Variants in AHNAK2 observed in about 807,000 individuals in gnomAD.
AHNAK2 encodes the protein protein AHNAK2.
A neutral mutation model predicts 30.7 loss-of-function variants in AHNAK2; 18 were observed. The ratio of observed to expected loss-of-function variants is 0.59; its 90% CI spans 0.41 to 0.87. AHNAK2 has a LOEUF of 0.87. Among genes scored for constraint, AHNAK2 ranks in the 40% least tolerant of loss-of-function variants. AHNAK2 has a pLI of 0.00. For missense variants in AHNAK2, 8,604 were observed against 7,373.0 expected, an observed-to-expected ratio of 1.17 and a Z score of -6.11; for synonymous variants, 3,590 against 3,073.8, an observed-to-expected ratio of 1.17 and a Z score of -5.56.
chr14:104,938,167 C>T lies in AHNAK2; in HGVS notation c.17284G>A (p.Val5762Met). The change falls in exon 7 of 7, where the codon GTG becomes ATG. Residue 5762 changes from valine (V) to methionine (M), a missense_variant. Coordinates refer to ENST00000333244, the MANE Select transcript of AHNAK2 (RefSeq NM_138420.4). ...GPVGTGLDSR[V>M]MVTSAARTEL... ...GTTCTTGCCGCGGATGTCACCATCA[C>T]TCTGGAGTCCAGCCCAGTGCCCACA... 1.2e-6 allele frequency: 2 copies of T among 1,614,016 alleles called. No homozygotes were observed. Among genetic ancestry groups the T allele is most frequent in the Non-Finnish European group, 1.7e-6 (2 of 1,179,908 alleles).
Position 104,969,817 on chromosome 14 carries a change from C to G in AHNAK2, c.55+8366G>C, listed in dbSNP as rs188815065. ...TCCCATCCATCCCAGGCGGGCTAGCCTGAGCCAGTTTCCCTGGGCTGAAAG... is the reference window on the plus strand; with the variant it reads ...TCCCATCCATCCCAGGCGGGCTAGCGTGAGCCAGTTTCCCTGGGCTGAAAG... On this transcript the variant is annotated intron_variant, in intron 1 of 6. Transcript: ENST00000333244. Among the ~76,000 whole-genome samples, 465 of 152,286 alleles carry G rather than the reference C, an allele frequency of 3.1e-3. 3 individuals are homozygous for G. Among genetic ancestry groups the G allele is most frequent in the African/African-American group, 0.011 (448 of 41,546 alleles).
chr14:104,949,022 GT>G lies in AHNAK2; in HGVS notation c.6428del (p.Asn2143ThrfsTer4), dbSNP rs1639049099. On this transcript the variant is annotated frameshift_variant, in exon 7 of 7. Transcript: ENST00000333244. LOFTEE classifies it low-confidence loss of function (END_TRUNC). ...AHLQGDLTLA[N>X]KDLTTKDSKF... Reference sequence around the variant, plus strand: ...TGCTGTCTTTGGTAGTCAGGTCCTTGTTGGCCAGGGTCAGGTCCCCCTGCAG... The same window carrying G: ...TGCTGTCTTTGGTAGTCAGGTCCTTGTGGCCAGGGTCAGGTCCCCCTGCAG... 9.1e-7 allele frequency: 1 copy of G among 1,095,872 alleles called. No individual in the cohort carries two copies. The highest frequency in any genetic ancestry group is 1.4e-5 in the African/African-American group (1 of 70,460). The allele number at this position is 1,095,872 out of a possible 1,614,324, so 67.9% of individuals were successfully genotyped here.
chr14:104,955,890 A>G (rs542820603), intron 4 of AHNAK2, among the ~76,000 whole-genome samples: 3 of 152,358 alleles, frequency 2.0e-5, no homozygotes, highest in East Asian at 3.9e-4. Flanking sequence ...TGTCCATGCC[A>G]CCAGGCCCAG....
At position 104,948,622 on chromosome 14, in the gene AHNAK2, C is replaced by T. The variant is rs376106227; in HGVS notation, c.6829G>A (p.Val2277Met). 9 of 1,612,530 alleles carry T rather than the reference C, an allele frequency of 5.6e-6. No homozygotes were observed. Among genetic ancestry groups the T allele is most frequent in the East Asian group, 2.2e-5 (1 of 44,802 alleles). ...DPKVEVTAPD[V>M]EVSLPSVEVD... Reference sequence around the variant, plus strand: ...TCCACGCTGGGCAGAGACACCTCCACATCAGGGGCTGTCACTTCCACCTTG... The same window carrying T: ...TCCACGCTGGGCAGAGACACCTCCATATCAGGGGCTGTCACTTCCACCTTG... Residue 2277 changes from valine to methionine, a missense_variant, in exon 7 of 7, where the codon GTG becomes ATG. Transcript: ENST00000333244.
chr14:104,940,927 C>T lies in AHNAK2; in HGVS notation c.14524G>A (p.Ala4842Thr). 6.2e-7 allele frequency: 1 copy of T among 1,612,630 alleles called. No homozygotes were observed. The highest frequency in any genetic ancestry group is 8.5e-7 in the Non-Finnish European group (1 of 1,179,610). Residue 4842 changes from alanine to threonine, a missense_variant, in exon 7 of 7, where the codon GCT becomes ACT. Transcript: ENST00000333244. The surrounding 1 kb of genome is among the most constrained non-coding windows in gnomAD (Gnocchi z 4.4). ...TTCAGTGGGCCAGAGTGACTCTCAG[C>T]TTGAGATGTTGGAACTCCCTCTGGA... ...QPPEGVPTSQAESHSGPLNSM... is the reference protein window; with the variant it reads ...QPPEGVPTSQTESHSGPLNSM...
rs372841773 is a variant in AHNAK2, at chr14:104,942,198, G to A, written c.13253C>T (p.Thr4418Met). ...LDLKGPKVEV[T>M]SPNLDVSLPS... ...CAGAGACACGTCCAGGTTGGGGGAC[G>A]TCACCTCCACCTTGGGGCCTTTCAG... is the stretch of plus-strand genomic sequence containing the variant. Residue 4418 changes from threonine (T) to methionine (M), a missense_variant, in exon 7 of 7, where the codon ACG becomes ATG. By Grantham distance (81) the Thr-to-Met change is moderately conservative. Coordinates refer to ENST00000333244, the MANE Select transcript of AHNAK2 (RefSeq NM_138420.4). 95 of 1,610,102 alleles carry A rather than the reference G, an allele frequency of 5.9e-5. No homozygotes were observed. In the African/African-American group the frequency reaches 6.3e-4, roughly 11 times the overall value.
chr14:104,948,284 GC>G lies in AHNAK2; in HGVS notation c.7166del (p.Gly2389AlafsTer26), dbSNP rs1452339980. ...TGAGGCCGGCTCCCTCCGGCACGGGGCCCTCTGGGAGTTTCACATCCACTTG... is the reference window on the plus strand; with the variant it reads ...TGAGGCCGGCTCCCTCCGGCACGGGGCCTCTGGGAGTTTCACATCCACTTG... ...AGQVDVKLPEGPVPEGAGLKG... is the reference protein window; with the variant it reads ...AGQVDVKLPEXPVPEGAGLKG... On this transcript the variant is annotated frameshift_variant, in exon 7 of 7. Coordinates refer to ENST00000333244, the MANE Select transcript of AHNAK2 (RefSeq NM_138420.4). LOFTEE classifies it low-confidence loss of function (END_TRUNC). 1 of 1,612,454 alleles carries G rather than the reference GC, an allele frequency of 6.2e-7. No homozygotes were observed. Among genetic ancestry groups the G allele is most frequent in the Non-Finnish European group, 8.5e-7 (1 of 1,179,592 alleles).
At chr14:104,964,821 C>T (rs902493146) in intron 1 of AHNAK2, among the ~76,000 whole-genome samples, 14 of 152,144 alleles carry the variant, frequency 9.2e-5, no homozygotes, top group Non-Finnish European at 1.6e-4. Context: ...CTTGGGTGTG[C>T]CATGGTTTGT....
rs200302560 is a variant in AHNAK2, at chr14:104,950,942, G to A, written c.4509C>T (p.Phe1503=). The change falls in exon 7 of 7, where the codon TTC becomes TTT. Residue 1503 remains phenylalanine (F), a synonymous_variant. Coordinates refer to ENST00000333244, the MANE Select transcript of AHNAK2 (RefSeq NM_138420.4). ...TGGACTTGCCTGGGGCAGACACCCCGAACGACGGCATCTTGAACTTGGGCA... is the reference window on the plus strand; with the variant it reads ...TGGACTTGCCTGGGGCAGACACCCCAAACGACGGCATCTTGAACTTGGGCA... The part of the protein sequence containing the change: ...FKMPKFKMPS[F]GVSAPGKSIE... 2.9e-3 allele frequency: 4,425 copies of A among 1,525,964 alleles called. 426 individuals carry two copies. The African/African-American group carries it at 0.041, about 14-fold the overall frequency. The allele number at this position is 1,525,964 out of a possible 1,614,324, so 94.5% of individuals were successfully genotyped here. A position where few individuals can be genotyped will look rare whatever the true frequency, so the allele number is the denominator to read the frequency against.
Position 104,949,577 on chromosome 14 carries a change from G to T in AHNAK2, c.5874C>A (p.Val1958=), listed in dbSNP as rs762429398. The change falls in exon 7 of 7, where the codon GTC becomes GTA. Residue 1958 remains valine (V), a synonymous_variant. Coordinates refer to ENST00000333244, the MANE Select transcript of AHNAK2 (RefSeq NM_138420.4). ...CATCCAGCTTAGCCTTCTGGGCCTG[G>T]ACATCCACCTCCATGCTGGGCAGAG... ...EVSLPSMEVD[V]QAQKAKLDGA... is the part of the protein sequence containing the mutation. 4 of 1,588,646 alleles carry T rather than the reference G, an allele frequency of 2.5e-6. No homozygotes were observed. The South Asian group carries it at 4.4e-5, about 18-fold the overall frequency.
Position 104,946,030 on chromosome 14 carries a change from T to G in AHNAK2, c.9421A>C (p.Ser3141Arg). 6.3e-7 allele frequency: 1 copy of G among 1,593,708 alleles called. No homozygotes were observed. The highest frequency in any genetic ancestry group is 1.4e-5 in the African/African-American group (1 of 72,632). ...TTGAACTTGGGCATTTTGAACTTGC[T>G]GTCTTTGGCAGTCACATCCTTGTCG... is the stretch of plus-strand genomic sequence containing the variant. ...LADKDVTAKD[S>R]KFKMPKFKMP... Residue 3141 changes from serine (S) to arginine (R), a missense_variant, in exon 7 of 7, where the codon AGC (serine) becomes CGC (arginine). Ser to Arg is a moderately radical substitution (Grantham distance 110). Transcript: ENST00000333244.
chr14:104,941,292 C>G lies in AHNAK2; in HGVS notation c.14159G>C (p.Ser4720Thr). 6.2e-7 allele frequency: 1 copy of G among 1,613,526 alleles called. No homozygotes were observed. The highest frequency in any genetic ancestry group is 8.5e-7 in the Non-Finnish European group (1 of 1,179,816). Residue 4720 changes from serine (S) to threonine (T), a missense_variant, in exon 7 of 7, where the codon AGT (serine) becomes ACT (threonine). Physicochemically the swap from Ser to Thr is moderately conservative, Grantham distance 58. Transcript: ENST00000333244. ...SFSSTKTPKD[S>T]LVPGAKSSIG... ...GCTAGACTTTGCACCTGGGACTAAA[C>G]TATCTTTAGGAGTTTTGGTAGAAGA...
At position 104,948,199 on chromosome 14, in the gene AHNAK2, C is replaced by T. The variant is rs372045967; in HGVS notation, c.7252G>A (p.Gly2418Ser). Residue 2418 changes from glycine (G) to serine (S), a missense_variant, in exon 7 of 7, where the codon GGC (glycine) becomes AGC (serine). Physicochemically the swap from Gly to Ser is moderately conservative, Grantham distance 56 (BLOSUM62 0). Transcript: ENST00000333244. ...GGGCCCTTGACATCTATCTGGGGGC[C>T]CTTGAGATCTACTTTGGGCATCTTG... The part of the protein sequence containing the change: ...SFKMPKVDLK[G>S]PQIDVKGPKL... The T allele has an allele frequency of 6.2e-7, 1 of 1,612,582 alleles. No homozygotes were observed. Among genetic ancestry groups the T allele is most frequent in the South Asian group, 1.1e-5 (1 of 91,032 alleles).
rs373808765 is a variant in AHNAK2 at position 104,944,903 on chromosome 14, G to C, written c.10548C>G (p.Leu3516=). Residue 3516 remains leucine, a synonymous_variant, in exon 7 of 7, where the codon CTC becomes CTG. Coordinates refer to ENST00000333244, the MANE Select transcript of AHNAK2 (RefSeq NM_138420.4). ...GCTGAATGCTGAGGTCAGTGGCCTT[G>C]AGGTCCCCCTGCATGGAGGAGAGGC... ...DVSLSSMQGD[L]KATDLSIQPP... is the part of the protein sequence containing the mutation. 464 of 1,611,062 alleles carry C rather than the reference G, an allele frequency of 2.9e-4. 2 individuals carry two copies. Among genetic ancestry groups the C allele is most frequent in the Admixed American group, 1.7e-3 (103 of 59,762 alleles).
At position 104,951,157 on chromosome 14, in the gene AHNAK2, CT is replaced by C; in HGVS notation, c.4293del (p.Ile1431MetfsTer10). ...VPKVDLKGPE[I>X]DIKGPKLDLK... The stretch of plus-strand genomic sequence containing the variant: ...AGGTCCAGCTTGGGGCCCTTGATGT[CT>C]ATTTCAGGGCCCTTGAGGTCCACTT... On this transcript the variant is annotated frameshift_variant, in exon 7 of 7. Coordinates refer to ENST00000333244, the MANE Select transcript of AHNAK2 (RefSeq NM_138420.4). LOFTEE classifies it low-confidence loss of function (END_TRUNC). The C allele has an allele frequency of 9.3e-7, 1 of 1,069,972 alleles. No individual in the cohort carries two copies. The highest frequency in any genetic ancestry group is 1.4e-6 in the Non-Finnish European group (1 of 738,864). The allele number at this position is 1,069,972 out of a possible 1,614,324, so 66.3% of individuals were successfully genotyped here.
In AHNAK2 at chr14:104,954,162, T is replaced by C; in HGVS notation, c.1289A>G (p.Glu430Gly). 6 of 1,610,398 alleles carry C rather than the reference T, an allele frequency of 3.7e-6. No homozygotes were observed. Among genetic ancestry groups the C allele is most frequent in the Non-Finnish European group, 5.1e-6 (6 of 1,179,814 alleles). The stretch of plus-strand genomic sequence containing the variant: ...GGGCTTCCTCTGGGCCACTGCTGTC[T>C]CCTGTGCCTGCCCCTCCAGGGTCTT... Reference protein sequence around the residue: ...HGKTLEGQAQETAVAQRKPRA... With the variant: ...HGKTLEGQAQGTAVAQRKPRA... The change falls in exon 7 of 7, where the codon GAG (glutamate) becomes GGG (glycine). Residue 430 changes from glutamate to glycine, a missense_variant. Physicochemically the swap from Glu to Gly is moderately conservative, Grantham distance 98 (BLOSUM62 -2). Transcript: ENST00000333244. This position sits in a 1 kb window ranked among gnomAD's most constrained non-coding sequence, Gnocchi z 4.3.
In AHNAK2 at chr14:104,953,499, A is replaced by T; in HGVS notation, c.1952T>A (p.Ile651Lys). ...SMTNTTKIQLIHDEKRLKKEQ... is the reference protein window; with the variant it reads ...SMTNTTKIQLKHDEKRLKKEQ... The stretch of plus-strand genomic sequence containing the variant: ...CTTTTTTAAGCGTTTTTCATCGTGT[A>T]TTAGTTGTATTTTTGTTGTGTTTGT... Residue 651 changes from isoleucine (I) to lysine (K), a missense_variant, in exon 7 of 7, where the codon ATA becomes AAA. Ile to Lys is a moderately radical substitution (Grantham distance 102). Coordinates refer to ENST00000333244, the MANE Select transcript of AHNAK2 (RefSeq NM_138420.4). 6.2e-7 allele frequency: 1 copy of T among 1,613,750 alleles called. No individual in the cohort carries two copies. Among genetic ancestry groups the T allele is most frequent in the Non-Finnish European group, 8.5e-7 (1 of 1,179,836 alleles).
intron 1 of AHNAK2, among the ~76,000 whole-genome samples, chr14:104,962,851 T>TAGAGGG (rs1899187376): frequency 1.3e-5 from 2 of 152,150 alleles, no homozygotes; most frequent in African/African-American, 4.8e-5. Flanking sequence ...CCATCACTCA[T>TAGAGGG]GAAAATGAAT....
chr14:104,957,849 G>T (rs995849051), intron 1 of AHNAK2, among the ~76,000 whole-genome samples, 177 bp from the exon 2 acceptor site: 3 of 152,188 alleles, frequency 2.0e-5, no homozygotes, highest in Admixed American at 2.0e-4. Context: ...GGCTGGAGAG[G>T]CTGAGGCATC....
Sources: allele counts gnomAD v4.1 joint callset (sites outside exome capture counted in the v4.1 genomes callset), GRCh38; gene constraint gnomAD v4.1.1; non-coding constraint Gnocchi (gnomAD v3.1); transcripts MANE v1.5; gene names NCBI Gene and HGNC (gene_info 2026-07-23, HGNC 2026-07-21).